SGTB: variants seen among roughly 807,000 people sequenced by gnomAD.
The protein encoded by SGTB is small glutamine rich tetratricopeptide repeat co-chaperone beta, also known as small glutamine-rich tetratricopeptide repeat-containing protein beta.
A neutral mutation model predicts 43.9 loss-of-function variants in SGTB; 19 were observed. The ratio of observed to expected loss-of-function variants is 0.43; its 90% confidence interval spans 0.30 to 0.63. SGTB has a LOEUF of 0.63. Among genes scored for constraint, SGTB ranks in the 30% least tolerant of loss-of-function variants. The probability of loss-of-function intolerance (pLI) is 0.12; values close to 1 mark genes in which losing one functional copy is unlikely to be tolerated. For synonymous variants in SGTB, 116 were observed against 117.3 expected, an observed-to-expected ratio of 0.99 and a Z score of 0.07; for missense variants, 304 against 358.9, an observed-to-expected ratio of 0.85 and a Z score of 1.24.
At chr5:65,681,967 T>C (rs154630) in intron 6 of SGTB, among the ~76,000 whole-genome samples, 96,871 of 150,798 alleles carry the variant, frequency 0.64, 31,501 homozygotes, top group African/African-American at 0.7. Flanking sequence ...AAGAGCGAAA[T>C]TCCATCTCAA....
At position 65,720,838 on chromosome 5, in the gene SGTB, G is replaced by A. The variant is rs1278340196; in HGVS notation, c.-22-9C>T. On this transcript the variant is annotated splice_polypyrimidine_tract_variant and intron_variant, in intron 1 of 10. Coordinates refer to ENST00000381007, the MANE Select transcript of SGTB (RefSeq NM_019072.3). The stretch of plus-strand genomic sequence containing the variant: ...AAGCTTAAACACTTTTCCTTGATAA[G>A]AAAAATGAAAACACTGAACTAAGTT... 6.3e-7 allele frequency: 1 copy of A among 1,598,402 alleles called. No homozygotes were observed. Among genetic ancestry groups the A allele is most frequent in the Admixed American group, 1.8e-5 (1 of 55,362 alleles).
upstream of SGTB, chr5:65,722,381 C>G: frequency 6.3e-7 from 1 of 1,587,620 alleles, no homozygotes; most frequent in African/African-American, 1.4e-5. Context: ...CCCATGATCG[C>G]CCGGTGCCTT....
chr5:65,684,341 C>A (rs867057506), intron 6 of SGTB, among the ~76,000 whole-genome samples: 9 of 151,810 alleles, frequency 5.9e-5, no homozygotes, highest in African/African-American at 1.9e-4. Context: ...ACCTTGGCCT[C>A]CCAAAATGCT....
At chr5:65,708,704 C>CT (rs1757983784) in intron 3 of SGTB, 146 bp from the exon 4 acceptor site, 1 of 538,792 alleles carries the variant, frequency 1.9e-6, no homozygotes, top group African/African-American at 2.0e-5. Context: ...ATAGTATTAA[C>CT]AAAAATAGGG....
At chr5:65,702,353 A>G (rs1757841498) in intron 5 of SGTB, among the ~76,000 whole-genome samples, 1 of 152,228 alleles carries the variant, frequency 6.6e-6, no homozygotes, top group Non-Finnish European at 1.5e-5. Flanking sequence ...ATGATGTTAA[A>G]AAATAAAATT....
chr5:65,722,706 GT>G (rs1196213923), upstream of SGTB: 6 of 449,258 alleles, frequency 1.3e-5, no homozygotes, highest in African/African-American at 1.3e-4. Context: ...AATGCAAATA[GT>G]TTGGATAAGA....
At chr5:65,700,156 C>T (rs934705850) in intron 5 of SGTB, among the ~76,000 whole-genome samples, 2 of 152,140 alleles carry the variant, frequency 1.3e-5, no homozygotes, top group African/African-American at 4.8e-5. Context: ...GAGAGTCTTA[C>T]AAGACTGTTG....
chr5:65,704,047 AAAAAAT>A (rs1554025716), intron 5 of SGTB, among the ~76,000 whole-genome samples: 31 of 125,206 alleles, frequency 2.5e-4, no homozygotes, highest in African/African-American at 7.2e-4. Context: ...AAAAAAAAAA[AAAAAAT>A]AAATAAATAA....
upstream of SGTB, chr5:65,722,963 C>T (rs1758353286): frequency 6.6e-6 from 1 of 152,650 alleles, no homozygotes. Context: ...TGCAAATTGA[C>T]TTGGCCCAAA....
chr5:65,691,104 G>A (rs1757598121), intron 5 of SGTB, among the ~76,000 whole-genome samples: 1 of 152,174 alleles, frequency 6.6e-6, no homozygotes, highest in Non-Finnish European at 1.5e-5. Flanking sequence ...CATGGGAGAA[G>A]GAAGATACAA....
rs930456603 is a variant in SGTB, at chr5:65,669,121, ATATTT to A, written c.*1120_*1124del. 6.6e-6 allele frequency: 1 copy of A among 152,194 alleles called. No individual in the cohort carries two copies. 9.4% of individuals were successfully genotyped at this position (152,194 alleles called of 1,614,324 possible). A position where few individuals can be genotyped will look rare whatever the true frequency, so the allele number is the denominator to read the frequency against. ...AATATGGCATCTAATTTATAATAAA[ATATTT>A]TAAGTCTCCTGTTATATTTAAATTG... On this transcript the variant is annotated 3_prime_UTR_variant, in exon 11 of 11. Transcript: ENST00000381007.
chr5:65,689,472 C>T (rs1413678391), intron 5 of SGTB, among the ~76,000 whole-genome samples: 1 of 152,064 alleles, frequency 6.6e-6, no homozygotes, highest in Non-Finnish European at 1.5e-5. Context: ...TGTCTCCTGC[C>T]CTCATAATTA....
chr5:65,701,448 TA>T (rs956295223), intron 5 of SGTB, among the ~76,000 whole-genome samples: 2 of 152,162 alleles, frequency 1.3e-5, no homozygotes. Flanking sequence ...GCTTTAAGTC[TA>T]AAAGCACTGG....
chr5:65,722,579 C>T (rs1758341328), upstream of SGTB, among the ~76,000 whole-genome samples: 1 of 152,222 alleles, frequency 6.6e-6, no homozygotes, highest in Admixed American at 6.5e-5. Context: ...ACACCTGGCG[C>T]GGCCACCTGG....
At chr5:65,689,715 A>G (rs1579865097) in intron 5 of SGTB, among the ~76,000 whole-genome samples, 1 of 152,014 alleles carries the variant, frequency 6.6e-6, no homozygotes. Context: ...CCTGTCCTCA[A>G]TAGCACTTAG....
At chr5:65,681,975 C>CA (rs562029850) in intron 6 of SGTB, among the ~76,000 whole-genome samples, 27,968 of 136,730 alleles carry the variant, frequency 0.2, 3,190 homozygotes, top group South Asian at 0.33. Flanking sequence ...AATTCCATCT[C>CA]AAAAAAAAAA....
chr5:65,691,445 C>CA (rs894780864), intron 5 of SGTB, among the ~76,000 whole-genome samples: 1 of 151,760 alleles, frequency 6.6e-6, no homozygotes, highest in Non-Finnish European at 1.5e-5. Flanking sequence ...TTTTTTGAGA[C>CA]AGTCTTGCTC....
chr5:65,677,107 T>G (rs527447557), intron 8 of SGTB, among the ~76,000 whole-genome samples: 8 of 150,880 alleles, frequency 5.3e-5, no homozygotes, highest in African/African-American at 1.9e-4. Context: ...AGAGAGAAGA[T>G]TCAAACAAAC....
At chr5:65,716,092 A>T (rs545113620) in intron 2 of SGTB, among the ~76,000 whole-genome samples, 3 of 152,330 alleles carry the variant, frequency 2.0e-5, no homozygotes, top group Non-Finnish European at 4.4e-5. Flanking sequence ...TTTAACAGAG[A>T]GTTCAGGGTA....
Sources: gnomAD v4.1 joint callset for allele counts (sites outside exome capture counted in the v4.1 genomes callset) on GRCh38, gnomAD v4.1.1 for gene constraint, MANE v1.5 for transcripts, NCBI Gene and HGNC (gene_info 2026-07-23, HGNC 2026-07-21) for gene names.